Variants in MTA3 observed in about 807,000 individuals in gnomAD.
MTA3 encodes metastasis associated 1 family member 3, also known as metastasis-associated protein MTA3.
Under a neutral mutation model 83.5 loss-of-function variants are expected in MTA3, and 34 were observed. The observed-to-expected ratio is 0.41, with a 90% CI of 0.31 to 0.54. The LOEUF (loss-of-function observed/expected upper bound fraction) is 0.54, where lower values mean the gene tolerates loss of function less well. MTA3 is among the 20% of genes least tolerant of loss of function. The probability of loss-of-function intolerance (pLI) is 0.33; values close to 1 mark genes in which losing one functional copy is unlikely to be tolerated. For synonymous variants in MTA3, 303 were observed against 252.7 expected (o/e 1.20, Z -1.89); for missense variants, 761 against 726.4 (o/e 1.05, Z -0.55).
intron 8 of MTA3, among the ~76,000 whole-genome samples, chr2:42,661,505 T>C: frequency 2.5e-5 from 1 of 39,478 alleles, no homozygotes; most frequent in Non-Finnish European, 4.0e-5. Context: ...AGACCCTGTC[T>C]CAAAAAAAAA....
intron 6 of MTA3, among the ~76,000 whole-genome samples, chr2:42,652,769 T>TA (rs1310648095): frequency 6.6e-6 from 1 of 152,228 alleles, no homozygotes; most frequent in African/African-American, 2.4e-5. Flanking sequence ...AATGTGACTT[T>TA]AAAAAATTAT....
At chr2:42,586,513 C>CAG (rs754878356) in intron 3 of MTA3, among the ~76,000 whole-genome samples, 1 of 131,670 alleles carries the variant, frequency 7.6e-6, no homozygotes. Context: ...CACACACACA[C>CAG]AAACACACAA....
chr2:42,743,040 C>G (rs1669146492), intron 16 of MTA3, among the ~76,000 whole-genome samples: 1 of 152,168 alleles, frequency 6.6e-6, no homozygotes, highest in South Asian at 2.1e-4. Context: ...CTGTGGGCTC[C>G]TCTATCAGAG....
intron 13 of MTA3, 144 bp from the exon 14 acceptor site, chr2:42,708,730 C>T: frequency 1.2e-6 from 1 of 836,080 alleles, no homozygotes; most frequent in Non-Finnish European, 1.9e-6. Context: ...TTAATTCTCT[C>T]TTTTAGAGGT....
intron 3 of MTA3, among the ~76,000 whole-genome samples, chr2:42,605,714 C>T: frequency 7.9e-6 from 1 of 126,386 alleles, no homozygotes; most frequent in Non-Finnish European, 1.7e-5. Flanking sequence ...GGGCGGGGGG[C>T]CGACCCCCCC....
upstream of MTA3, among the ~76,000 whole-genome samples, chr2:42,565,089 C>G (rs2103808726): frequency 1.3e-5 from 2 of 151,778 alleles, 1 homozygote; most frequent in South Asian, 4.2e-4. Flanking sequence ...CGGCACCAAT[C>G]TCTTTTTATT....
chr2:42,729,302 C>T (rs994502870), intron 16 of MTA3, among the ~76,000 whole-genome samples: 2 of 151,678 alleles, frequency 1.3e-5, no homozygotes, highest in South Asian at 2.1e-4. Context: ...GGGGTTTCAC[C>T]GTGTTAGCCA....
At chr2:42,618,801 G>A (rs1220348554) in intron 4 of MTA3, among the ~76,000 whole-genome samples, 1 of 151,924 alleles carries the variant, frequency 6.6e-6, no homozygotes, top group Non-Finnish European at 1.5e-5. Context: ...GGTAGAGTTC[G>A]GGTCTCATAT....
chr2:42,617,785 A>AAT (rs1478536318), intron 4 of MTA3, among the ~76,000 whole-genome samples: 1 of 58,486 alleles, frequency 1.7e-5, no homozygotes, highest in Non-Finnish European at 3.7e-5. Context: ...TCTAAAAAAT[A>AAT]AAAAAAAAAA....
intron 8 of MTA3, among the ~76,000 whole-genome samples, chr2:42,673,632 GA>G (rs1336231806): frequency 6.6e-6 from 1 of 152,172 alleles, no homozygotes; most frequent in African/African-American, 2.4e-5. Context: ...TTCCCCTTGG[GA>G]TCAGCACTTG....
chr2:42,556,963 G>T (rs1256128039), intron 2 of MTA3, among the ~76,000 whole-genome samples: 1 of 152,172 alleles, frequency 6.6e-6, no homozygotes, highest in African/African-American at 2.4e-5. Context: ...GAGGAAGGAG[G>T]CCCTACGAAA....
chr2:42,622,446 A>T (rs567763314), intron 4 of MTA3, among the ~76,000 whole-genome samples: 1 of 152,054 alleles, frequency 6.6e-6, no homozygotes, highest in East Asian at 1.9e-4. Flanking sequence ...GAGGGATCTT[A>T]TTAGAGTTTT....
At position 42,682,464 on chromosome 2, in the gene MTA3, G is replaced by T; in HGVS notation, c.766G>T (p.Val256Leu). 1 of 1,612,244 alleles carries T rather than the reference G, an allele frequency of 6.2e-7. No homozygotes were observed. The highest frequency in any genetic ancestry group is 8.5e-7 in the Non-Finnish European group (1 of 1,179,114). ...YDLSSAISVL[V>L]PLGGPVLCRD... ...TTTGAGCAGTGCCATTAGTGTCTTA[G>T]TACCACTCGGAGGACCTGTTTTATG... The change falls in exon 9 of 17, where the codon GTA becomes TTA. Residue 256 changes from valine (V) to leucine (L), a missense_variant. Coordinates refer to ENST00000405094, the MANE Select transcript of MTA3 (RefSeq NM_001330442.2).
intron 2 of MTA3, among the ~76,000 whole-genome samples, chr2:42,552,171 G>A (rs1677141154): frequency 6.6e-6 from 1 of 152,176 alleles, no homozygotes; most frequent in Admixed American, 6.5e-5. Flanking sequence ...TTGGGGTGAA[G>A]CAGAATTGCA....
chr2:42,615,711 C>CTTTTTTTTTTTTTTTTTTTT lies in MTA3; in HGVS notation c.317+6135_317+6154dup, dbSNP rs35331224. On this transcript the variant is annotated intron_variant, in intron 4 of 16. Transcript: ENST00000405094. ...ACCACAGATACTTGAATAATCTCTT[C>CTTTTTTTTTTTTTTTTTTTT]TTTTTTTTTTTTTTTTTTTTTTTTT... 3.3e-5 allele frequency among the ~76,000 whole-genome samples: 2 copies of CTTTTTTTTTTTTTTTTTTTT among 59,794 alleles called. 1 individual carries two copies. 39.2% of individuals were successfully genotyped at this position (59,794 alleles called of 152,430 possible).
intron 2 of MTA3, among the ~76,000 whole-genome samples, chr2:42,521,232 G>A (rs1213842121): frequency 6.6e-6 from 1 of 152,172 alleles, no homozygotes; most frequent in Non-Finnish European, 1.5e-5. Flanking sequence ...CTGCCATGTT[G>A]TGAGCTGCTT....
chr2:42,601,742 C>G (rs764542477), intron 3 of MTA3, among the ~76,000 whole-genome samples: 5 of 151,858 alleles, frequency 3.3e-5, no homozygotes, highest in Non-Finnish European at 7.4e-5. Context: ...TGCAGGGTTG[C>G]GATCTCAGCT....
chr2:42,540,861 G>C (rs1215098647), intron 2 of MTA3, among the ~76,000 whole-genome samples: 2 of 151,040 alleles, frequency 1.3e-5, no homozygotes, highest in Non-Finnish European at 2.9e-5. Context: ...AAAAAAAAAA[G>C]TTTTTTCCCA....
chr2:42,613,158 C>A (rs1684431797), intron 4 of MTA3, among the ~76,000 whole-genome samples: 1 of 152,140 alleles, frequency 6.6e-6, no homozygotes, highest in Non-Finnish European at 1.5e-5. Context: ...ATTACATAGT[C>A]TACATGATCG....
Sources: allele counts gnomAD v4.1 joint callset (sites outside exome capture counted in the v4.1 genomes callset), GRCh38; gene constraint gnomAD v4.1.1; transcripts MANE v1.5; gene names NCBI Gene and HGNC (gene_info 2026-07-23, HGNC 2026-07-21).